The following LETMD1 variants were observed in gnomAD, a reference collection of about 807,000 sequenced individuals.
LETMD1 encodes the protein LETM1 domain-containing protein 1.
Under a neutral mutation model 43.9 loss-of-function variants are expected in LETMD1, and 30 were observed. The observed-to-expected ratio is 0.68, with a 90% CI of 0.51 to 0.93. The LOEUF (loss-of-function observed/expected upper bound fraction) is 0.93, where lower values mean the gene tolerates loss of function less well. LETMD1 is among the 40% of genes least tolerant of loss of function. LETMD1 has a pLI of 0.00. For synonymous variants in LETMD1, 176 were observed against 163.1 expected (o/e 1.08, Z -0.60); for missense variants, 413 against 447.7 (o/e 0.92, Z 0.70).
chr12:51,057,611 G>A (rs1257776324), intron 7 of LETMD1: 8 of 203,922 alleles, frequency 3.9e-5, no homozygotes, highest in Non-Finnish European at 8.0e-5. Flanking sequence ...GGCTTCATGT[G>A]GGAATGAGAT....
At position 51,056,001 on chromosome 12, in the gene LETMD1, C is replaced by T. The variant is rs1947593875; in HGVS notation, c.640C>T (p.Leu214=). The T allele has an allele frequency of 6.2e-7, 1 of 1,613,952 alleles. No homozygotes were observed. Among genetic ancestry groups the T allele is most frequent in the Admixed American group, 1.7e-5 (1 of 59,972 alleles). Residue 214 remains leucine, a synonymous_variant, in exon 5 of 9, where the codon CTG becomes TTG. Transcript: ENST00000262055. ...TTCTGATGCAGGACTCCGGTGGCGTCTGACAGATCTGTGCACCAAGGTATT... is the reference window on the plus strand; with the variant it reads ...TTCTGATGCAGGACTCCGGTGGCGTTTGACAGATCTGTGCACCAAGGTATT... ...LISDAGLRWR[L]TDLCTKIQRG...
chr12:51,050,258 T>C (rs1461469095), intron 2 of LETMD1, among the ~76,000 whole-genome samples: 1 of 150,296 alleles, frequency 6.7e-6, no homozygotes, highest in African/African-American at 2.4e-5. Context: ...AGTCTCACCG[T>C]GTCGCCCAGG....
intron 7 of LETMD1, 129 bp downstream of exon 7, chr12:51,056,631 A>T: frequency 1.5e-6 from 1 of 685,914 alleles, no homozygotes; most frequent in Non-Finnish European, 2.4e-6. Flanking sequence ...CTCTCACTTC[A>T]TTTATTTATT....
chr12:51,053,812 G>T lies in LETMD1; in HGVS notation c.425G>T (p.Gly142Val), dbSNP rs753232746. Residue 142 changes from glycine to valine, a missense_variant, in exon 4 of 9, where the codon GGT becomes GTT. Transcript: ENST00000262055. ...GACGTCACCAAGTGTCTTTTCCTAG[G>T]TATTATTTCCATTCCACCTTTTGCC... ...RQDVTKCLFLGIISIPPFANY... is the reference protein window; with the variant it reads ...RQDVTKCLFLVIISIPPFANY... 6.2e-7 allele frequency: 1 copy of T among 1,613,576 alleles called. No individual in the cohort carries two copies. The highest frequency in any genetic ancestry group is 8.5e-7 in the Non-Finnish European group (1 of 1,179,796).
downstream of LETMD1, chr12:51,061,291 A>C (rs1948821008): frequency 2.0e-5 from 3 of 152,630 alleles, no homozygotes. Flanking sequence ...AAGGGGAAAA[A>C]ATTATTTTCA....
At chr12:51,060,614 G>A (rs1948776005), downstream of LETMD1, among the ~76,000 whole-genome samples, 1 of 152,150 alleles carries the variant, frequency 6.6e-6, no homozygotes, top group Non-Finnish European at 1.5e-5. Context: ...TAAAGTTAAT[G>A]GAATGAGGCC....
At chr12:51,056,093 A>G (rs569373133) in intron 5 of LETMD1, 51 bp from the exon 6 acceptor site, 1 of 1,606,886 alleles carries the variant, frequency 6.2e-7, no homozygotes, top group East Asian at 2.2e-5. Context: ...ACTAGGTAAG[A>G]GGAGTAGTCA....
downstream of LETMD1, chr12:51,064,806 G>T: frequency 1.6e-6 from 1 of 617,482 alleles, no homozygotes; most frequent in Non-Finnish European, 2.6e-6. Flanking sequence ...TCAAAGCATA[G>T]CATGCAGTGT....
chr12:51,061,350 A>AGTAT (rs1419987771), downstream of LETMD1: 2 of 152,674 alleles, frequency 1.3e-5, no homozygotes, highest in African/African-American at 4.8e-5. Flanking sequence ...ACCTGTGTAC[A>AGTAT]GTATGTGAGA....
intron 5 of LETMD1, 61 bp from the exon 6 acceptor site, chr12:51,056,083 A>C (rs964494324): frequency 6.2e-7 from 1 of 1,608,334 alleles, no homozygotes; most frequent in Non-Finnish European, 8.5e-7. Context: ...TGTGCACTAA[A>C]CTAGGTAAGA....
downstream of LETMD1, among the ~76,000 whole-genome samples, chr12:51,060,905 A>C (rs1327085918): frequency 6.6e-6 from 1 of 151,004 alleles, no homozygotes; most frequent in South Asian, 2.1e-4. Context: ...CTGTCTCAAA[A>C]AAAAAAAAAA....
At chr12:51,058,979 CCT>C (rs951137122) in intron 8 of LETMD1, 32 of 265,960 alleles carry the variant, frequency 1.2e-4, no homozygotes, top group East Asian at 2.7e-4. Flanking sequence ...TTGTTTGCCC[CCT>C]GTTTAGGCTA....
the LETMD1 span, among the ~76,000 whole-genome samples, chr12:51,066,644 A>AG: frequency 6.6e-6 from 1 of 151,342 alleles, no homozygotes; most frequent in Non-Finnish European, 1.5e-5. Flanking sequence ...CCGTCTCAAA[A>AG]AAAAAAAAGG....
upstream of LETMD1, chr12:51,048,302 C>T (rs754513877): frequency 1.4e-5 from 22 of 1,612,334 alleles, no homozygotes; most frequent in Admixed American, 1.7e-5. Context: ...ACGCGACGTA[C>T]GGTTAACTTT....
the LETMD1 span, chr12:51,067,579 C>A: frequency 5.7e-6 from 7 of 1,233,892 alleles, no homozygotes; most frequent in African/African-American, 1.5e-5. The surrounding 1 kb of genome is among the most constrained non-coding windows in gnomAD (Gnocchi z 4.1). Flanking sequence ...ATAGGGAATC[C>A]ACCCCTGAAT....
chr12:51,057,606 CA>C (rs1948086247), intron 7 of LETMD1: 1 of 202,436 alleles, frequency 4.9e-6, no homozygotes. Flanking sequence ...GGAAAGGCTT[CA>C]TGTGGGAATG....
chr12:51,052,335 A>T (rs1946404921), intron 3 of LETMD1, 128 bp downstream of exon 3: 1 of 1,063,462 alleles, frequency 9.4e-7, no homozygotes, highest in East Asian at 2.6e-5. Context: ...GTGAGAACAA[A>T]ATATTGAACT....
chr12:51,049,484 C>T (rs533002435), intron 2 of LETMD1: 10 of 294,412 alleles, frequency 3.4e-5, no homozygotes, highest in Non-Finnish European at 5.2e-5. Context: ...GCCTTGCACA[C>T]GGCAGGGATC....
chr12:51,051,767 A>G lies in LETMD1; in HGVS notation c.275-325A>G, dbSNP rs1946225893. On this transcript the variant is annotated intron_variant, in intron 2 of 8. Transcript: ENST00000262055. The stretch of plus-strand genomic sequence containing the variant: ...AAATTAATATCTGGCTGGGGAATAC[A>G]TAGGGTTAATTTAGCAAGACTTTCT... Among the ~76,000 whole-genome samples the G allele has an allele frequency of 3.3e-5, 5 of 152,204 alleles. No homozygotes were observed. In the South Asian group the frequency reaches 1.0e-3, roughly 31 times the overall value.
Sources: gnomAD v4.1 joint callset for allele counts (sites outside exome capture counted in the v4.1 genomes callset) on GRCh38, gnomAD v4.1.1 for gene constraint, Gnocchi (gnomAD v3.1) non-coding constraint, MANE v1.5 for transcripts, NCBI Gene and HGNC (gene_info 2026-07-23, HGNC 2026-07-21) for gene names.